PAXBP1: variants seen among roughly 807,000 people sequenced by gnomAD.
The protein encoded by PAXBP1 is PAX3- and PAX7-binding protein 1.
Under a neutral mutation model 119.9 loss-of-function variants are expected in PAXBP1, and 44 were observed. The observed-to-expected ratio is 0.37, with a 90% CI of 0.29 to 0.47. The LOEUF (loss-of-function observed/expected upper bound fraction) is 0.47. Ranked by LOEUF, PAXBP1 falls within the 20% of genes least tolerant of loss-of-function variation. PAXBP1 has a pLI of 0.99. For synonymous variants in PAXBP1, 393 were observed against 406.6 expected, an observed-to-expected ratio of 0.97 and a Z score of 0.40; for missense variants, 898 against 1,134.1, an observed-to-expected ratio of 0.79 and a Z score of 2.99.
intron 17 of PAXBP1, 99 bp downstream of exon 17, chr21:32,737,155 A>G: frequency 3.9e-6 from 4 of 1,027,776 alleles, no homozygotes; most frequent in Non-Finnish European, 5.3e-6. Context: ...TGAACATACA[A>G]TTTAAACTAA....
rs554459207 is a variant in PAXBP1, at chr21:32,748,409, T to G, written c.1923+90A>C. 1.6e-5 allele frequency: 20 copies of G among 1,277,108 alleles called. No homozygotes were observed. In the East Asian group the frequency reaches 4.0e-4, roughly 26 times the overall value. 79.1% of individuals were successfully genotyped at this position (1,277,108 alleles called of 1,614,324 possible). ...TATGCCCTATCACCCCTGCAAAATA[T>G]TTTGCTTAAGCTTACATCTCTAGCT... On this transcript the variant is annotated intron_variant, in intron 11 of 17. Coordinates refer to ENST00000331923, the MANE Select transcript of PAXBP1 (RefSeq NM_016631.4).
chr21:32,770,106 G>A (rs997748990), intron 1 of PAXBP1, among the ~76,000 whole-genome samples, 164 bp from the exon 2 acceptor site: 1 of 151,946 alleles, frequency 6.6e-6, no homozygotes, highest in Non-Finnish European at 1.5e-5. Flanking sequence ...CAAAAACAGA[G>A]GTCAACTTCC....
intron 12 of PAXBP1, 140 bp from the exon 13 acceptor site, chr21:32,745,053 T>A (rs1485778696): frequency 1.1e-6 from 1 of 911,732 alleles, no homozygotes; most frequent in Admixed American, 3.3e-5. Flanking sequence ...TTTGTCCTAT[T>A]AACTGTGGGA....
In PAXBP1 at chr21:32,734,803, A is replaced by G. The variant is rs1262858420; in HGVS notation, c.*147T>C. On this transcript the variant is annotated 3_prime_UTR_variant, in exon 18 of 18. Transcript: ENST00000331923. ...TCTGAATTCCTTTCATTCTGAAGAA[A>G]TATCATTTAAGGACACAGTATTGAA... 3.0e-6 allele frequency: 2 copies of G among 666,786 alleles called. No individual in the cohort carries two copies. Among genetic ancestry groups the G allele is most frequent in the East Asian group, 2.7e-5 (1 of 36,420 alleles). The allele number at this position is 666,786 out of a possible 1,614,324, so 41.3% of individuals were successfully genotyped here. A position where few individuals can be genotyped will look rare whatever the true frequency, so the allele number is the denominator to read the frequency against.
chr21:32,761,953 T>C (rs917672912), intron 4 of PAXBP1, 143 bp downstream of exon 4: 2 of 785,992 alleles, frequency 2.5e-6, no homozygotes, highest in Non-Finnish European at 4.1e-6. Flanking sequence ...CAAGGGTGAC[T>C]GTTTGAGTCC....
intron 16 of PAXBP1, 137 bp from the exon 17 acceptor site, chr21:32,737,545 A>C: frequency 1.5e-6 from 1 of 674,952 alleles, no homozygotes; most frequent in East Asian, 3.1e-5. Flanking sequence ...CTCTGAAGAA[A>C]TATTCTTTTA....
At chr21:32,770,001 C>A in intron 1 of PAXBP1, 59 bp from the exon 2 acceptor site, 1 of 1,303,182 alleles carries the variant, frequency 7.7e-7, no homozygotes, top group Middle Eastern at 2.7e-4. Flanking sequence ...ATTTTCCCTT[C>A]TTTCACATGA....
Position 32,744,776 on chromosome 21 carries a change from A to G in PAXBP1, c.2190+16T>C. ...AAGAGGAAAAAAAAAAAAGGCTTCA[A>G]AAGATACTAAATTACCTGTGTATTT... On this transcript the variant is annotated intron_variant, in intron 13 of 17. Coordinates refer to ENST00000331923, the MANE Select transcript of PAXBP1 (RefSeq NM_016631.4). The G allele has an allele frequency of 6.4e-7, 1 of 1,553,864 alleles. No individual in the cohort carries two copies. Among genetic ancestry groups the G allele is most frequent in the South Asian group, 1.2e-5 (1 of 80,174 alleles).
chr21:32,743,906 C>T, intron 13 of PAXBP1, 152 bp from the exon 14 acceptor site: 1 of 538,514 alleles, frequency 1.9e-6, no homozygotes, highest in African/African-American at 2.0e-5. Flanking sequence ...GTAATTAATA[C>T]TTAATAATCT....
At chr21:32,765,955 T>C (rs537990289) in intron 2 of PAXBP1, among the ~76,000 whole-genome samples, 6 of 152,070 alleles carry the variant, frequency 3.9e-5, no homozygotes, top group Admixed American at 6.5e-5. Flanking sequence ...GCCAATATGG[T>C]AAGACCCTGT....
chr21:32,755,412 G>C, intron 7 of PAXBP1, 59 bp from the exon 8 acceptor site: 6 of 1,576,862 alleles, frequency 3.8e-6, no homozygotes, highest in Non-Finnish European at 5.1e-6. Context: ...TTTATTTGAG[G>C]GTTCCATACT....
rs767964333 is a variant in PAXBP1, at chr21:32,748,690, A to C, written c.1732T>G (p.Ser578Ala). Residue 578 changes from serine to alanine, a missense_variant, in exon 11 of 18, where the codon TCA (serine) becomes GCA (alanine). Physicochemically the swap from Ser to Ala is moderately conservative, Grantham distance 99. This residue lies in a region of PAXBP1 where 599 missense variants were observed against 852.7 expected (regional missense o/e 0.70). Transcript: ENST00000331923. Reference protein sequence around the residue: ...TNFNLEKDRISKESGKVFEDV... With the variant: ...TNFNLEKDRIAKESGKVFEDV... ...TCAAAAACTTTGCCGGATTCTTTTG[A>C]AATTCGATCTAAAAACAACAAAACC... The C allele has an allele frequency of 6.2e-7, 1 of 1,609,412 alleles. No homozygotes were observed. Among genetic ancestry groups the C allele is most frequent in the African/African-American group, 1.3e-5 (1 of 74,902 alleles).
At chr21:32,748,293 C>A (rs898062727) in intron 11 of PAXBP1, among the ~76,000 whole-genome samples, 14 of 151,658 alleles carry the variant, frequency 9.2e-5, no homozygotes, top group South Asian at 2.1e-4. Context: ...ACAACAACAA[C>A]AAAAAAAACA....
intron 8 of PAXBP1, among the ~76,000 whole-genome samples, chr21:32,752,387 C>A (rs781506943): frequency 4.0e-5 from 6 of 151,162 alleles, no homozygotes; most frequent in Non-Finnish European, 8.8e-5. Flanking sequence ...CTCATTTCTA[C>A]GTTTTAGTTC....
chr21:32,762,811 T>G (rs2044171768), intron 3 of PAXBP1, among the ~76,000 whole-genome samples: 1 of 146,670 alleles, frequency 6.8e-6, no homozygotes, highest in Non-Finnish European at 1.5e-5. Context: ...CTTGGGAGGC[T>G]AAGGCAGGAG....
intron 11 of PAXBP1, among the ~76,000 whole-genome samples, chr21:32,747,124 T>G (rs2043885882): frequency 6.6e-6 from 1 of 151,994 alleles, no homozygotes; most frequent in Non-Finnish European, 1.5e-5. Context: ...CAACAACAGC[T>G]ACTGGATGCT....
intron 3 of PAXBP1, among the ~76,000 whole-genome samples, chr21:32,762,667 C>G (rs912090525): frequency 2.0e-5 from 3 of 151,354 alleles, no homozygotes; most frequent in Non-Finnish European, 4.4e-5. Flanking sequence ...ACCTGTAATC[C>G]CAGCACTTTG....
At position 32,771,527 on chromosome 21, in the gene PAXBP1, C is replaced by G; in HGVS notation, c.142G>C (p.Asp48His). Residue 48 changes from aspartate to histidine, a missense_variant, in exon 1 of 18, where the codon GAC becomes CAC. Physicochemically the swap from Asp to His is moderately conservative, Grantham distance 81. Around this residue, in one of 2 missense-constraint regions of PAXBP1, gnomAD observed 299 missense variants for 281.4 expected, o/e 1.06. Transcript: ENST00000331923. Reference protein sequence around the residue: ...TGEEAGPGGGDRAPGGESLLG... With the variant: ...TGEEAGPGGGHRAPGGESLLG... Reference sequence around the variant, plus strand: ...AGCGACTCCCCGCCAGGGGCCCTGTCGCCGCCACCGGGGCCCGCCTCTTCG... The same window carrying G: ...AGCGACTCCCCGCCAGGGGCCCTGTGGCCGCCACCGGGGCCCGCCTCTTCG... 3 of 1,345,796 alleles carry G rather than the reference C, an allele frequency of 2.2e-6. No homozygotes were observed. Among genetic ancestry groups the G allele is most frequent in the Non-Finnish European group, 2.8e-6 (3 of 1,055,060 alleles). 83.4% of individuals were successfully genotyped at this position (1,345,796 alleles called of 1,614,324 possible).
chr21:32,744,952 T>C (rs773251157), intron 12 of PAXBP1, 39 bp from the exon 13 acceptor site: 6 of 1,581,962 alleles, frequency 3.8e-6, no homozygotes, highest in South Asian at 2.4e-5. Flanking sequence ...CAGAAGCCAA[T>C]TGTACCTTTA....
Sources: gnomAD v4.1 joint callset for allele counts (sites outside exome capture counted in the v4.1 genomes callset) on GRCh38, gnomAD v4.1.1 for gene constraint, gnomAD v4.1.1 regional missense constraint, MANE v1.5 for transcripts, NCBI Gene and HGNC (gene_info 2026-07-23, HGNC 2026-07-21) for gene names.